ANGPT1: variants seen among roughly 807,000 people sequenced by gnomAD.
ANGPT1 encodes angiopoietin-1.
ANGPT1 carries 17 observed loss-of-function variants against 62.2 expected under a neutral mutation model. The ratio of observed to expected loss-of-function variants is 0.27; its 90% CI spans 0.19 to 0.41. ANGPT1 has a LOEUF of 0.41. Ranked by LOEUF, ANGPT1 falls within the 10% of genes least tolerant of loss-of-function variation. The pLI is 1.00. For missense variants in ANGPT1, 478 were observed against 594.9 expected (o/e 0.80, Z 2.04); for synonymous variants, 199 against 198.9 (o/e 1.00, Z 0.00).
At chr8:107,405,251 G>A (rs1293467067) in intron 1 of ANGPT1, among the ~76,000 whole-genome samples, 1 of 151,740 alleles carries the variant, frequency 6.6e-6, no homozygotes, top group Non-Finnish European at 1.5e-5. Context: ...TATATGTAGA[G>A]CTATATAGGA....
At chr8:107,430,072 C>A (rs1023392184) in intron 1 of ANGPT1, among the ~76,000 whole-genome samples, 2 of 152,016 alleles carry the variant, frequency 1.3e-5, no homozygotes, top group African/African-American at 4.8e-5. Context: ...CTGAAACGTA[C>A]TGAAAGAATG....
intron 1 of ANGPT1, among the ~76,000 whole-genome samples, chr8:107,414,699 C>A (rs1040248138): frequency 2.6e-5 from 4 of 152,112 alleles, no homozygotes; most frequent in Non-Finnish European, 2.9e-5. Context: ...ACCTTTGAGA[C>A]CTAGTATAGC....
At chr8:107,276,298 T>C (rs1266841429) in intron 7 of ANGPT1, among the ~76,000 whole-genome samples, 2 of 152,174 alleles carry the variant, frequency 1.3e-5, no homozygotes, top group African/African-American at 4.8e-5. Flanking sequence ...TGAAAACCTA[T>C]GTTAGGAATT....
intron 1 of ANGPT1, among the ~76,000 whole-genome samples, chr8:107,347,472 T>G (rs887064601): frequency 6.6e-6 from 1 of 152,190 alleles, no homozygotes; most frequent in Admixed American, 6.6e-5. Flanking sequence ...AAACCCAAGG[T>G]TGACCAGCAA....
chr8:107,268,406 T>TTGTGTGTGTG (rs10655133), intron 7 of ANGPT1, among the ~76,000 whole-genome samples: 1,897 of 144,618 alleles, frequency 0.013, 34 homozygotes, highest in African/African-American at 0.045. Context: ...ACATGTAGGG[T>TTGTGTGTGTG]TGTGTGTGTG....
At chr8:107,383,723 C>T (rs1312068495) in intron 1 of ANGPT1, among the ~76,000 whole-genome samples, 2 of 152,050 alleles carry the variant, frequency 1.3e-5, no homozygotes, top group African/African-American at 4.8e-5. Flanking sequence ...GGGGAAACTC[C>T]AGATTTTATA....
intron 6 of ANGPT1, among the ~76,000 whole-genome samples, chr8:107,293,210 T>C (rs1814322490): frequency 8.6e-6 from 1 of 116,020 alleles, no homozygotes; most frequent in Admixed American, 8.8e-5. Flanking sequence ...ATGATGATGA[T>C]GATGATGATG....
At chr8:107,305,630 A>G (rs969431806) in intron 4 of ANGPT1, among the ~76,000 whole-genome samples, 2 of 152,088 alleles carry the variant, frequency 1.3e-5, no homozygotes, top group Non-Finnish European at 2.9e-5. Context: ...TGGTTTGAGA[A>G]TTCTACCATC....
At chr8:107,286,942 A>T (rs1460921330) in intron 6 of ANGPT1, among the ~76,000 whole-genome samples, 3 of 152,206 alleles carry the variant, frequency 2.0e-5, no homozygotes, top group Non-Finnish European at 4.4e-5. Context: ...TAAACAAAAC[A>T]GAAAGTTACA....
At chr8:107,458,385 G>C (rs941132548) in intron 1 of ANGPT1, among the ~76,000 whole-genome samples, 3 of 152,198 alleles carry the variant, frequency 2.0e-5, no homozygotes, top group African/African-American at 7.2e-5. Flanking sequence ...AAAGTTCTTA[G>C]GATTGTCCAT....
At chr8:107,414,086 A>T (rs553184325) in intron 1 of ANGPT1, among the ~76,000 whole-genome samples, 1 of 152,176 alleles carries the variant, frequency 6.6e-6, no homozygotes, top group Admixed American at 6.6e-5. Flanking sequence ...ATCCATGGGT[A>T]TAGGGTTTAT....
intron 1 of ANGPT1, among the ~76,000 whole-genome samples, chr8:107,361,059 A>G (rs529105775): frequency 6.6e-6 from 1 of 152,194 alleles, no homozygotes; most frequent in Non-Finnish European, 1.5e-5. Flanking sequence ...TCACGTGCAT[A>G]TGGATTAGTA....
rs73701035 is a variant in ANGPT1, at chr8:107,289,675, T to C, written c.1038+4261A>G. On this transcript the variant is annotated intron_variant, in intron 6 of 8. Coordinates refer to ENST00000517746, the MANE Select transcript of ANGPT1 (RefSeq NM_001146.5). ...AGATGTTAAAATATAGCTGAAAATG[T>C]GCTCTCAACTTCTTTCCAGAAACAA... is the stretch of plus-strand genomic sequence containing the variant. Among the ~76,000 whole-genome samples the C allele has an allele frequency of 9.4e-3, 1,437 of 152,268 alleles. 22 individuals carry two copies. The highest frequency in any genetic ancestry group is 0.033 in the African/African-American group (1,370 of 41,570).
chr8:107,256,091 A>G (rs1813350654), intron 8 of ANGPT1, among the ~76,000 whole-genome samples: 1 of 152,322 alleles, frequency 6.6e-6, no homozygotes, highest in African/African-American at 2.4e-5. Flanking sequence ...GAAATGTTCA[A>G]TTAACTCTTT....
At chr8:107,370,340 A>AAAAGAAAGAAAGAAAG (rs71308727) in intron 1 of ANGPT1, among the ~76,000 whole-genome samples, 20 of 54,430 alleles carry the variant, frequency 3.7e-4, no homozygotes, top group African/African-American at 7.1e-4. Context: ...GAAAGAAAGA[A>AAAAGAAAGAAAGAAAG]AAAGAAAGAA....
intron 1 of ANGPT1, among the ~76,000 whole-genome samples, chr8:107,455,504 A>C (rs916676032): frequency 1.3e-5 from 2 of 152,030 alleles, no homozygotes; most frequent in African/African-American, 4.8e-5. Context: ...AATGTGGTGA[A>C]TAAGTGGTTT....
chr8:107,369,774 T>C (rs2130235914), intron 1 of ANGPT1, among the ~76,000 whole-genome samples: 1 of 152,132 alleles, frequency 6.6e-6, no homozygotes, highest in Non-Finnish European at 1.5e-5. Flanking sequence ...ACATACCACT[T>C]ATCGATGAAG....
At chr8:107,261,849 T>C (rs1213290507) in intron 8 of ANGPT1, among the ~76,000 whole-genome samples, 1 of 151,878 alleles carries the variant, frequency 6.6e-6, no homozygotes, top group Non-Finnish European at 1.5e-5. Context: ...TGGGCTGTGA[T>C]TTGGTGATAA....
chr8:107,341,993 C>T (rs981841247), intron 2 of ANGPT1, among the ~76,000 whole-genome samples: 7 of 152,106 alleles, frequency 4.6e-5, no homozygotes, highest in African/African-American at 1.7e-4. Flanking sequence ...TCTCCCTGCC[C>T]CTGCCCCCTA....
Sources: allele counts gnomAD v4.1 joint callset (sites outside exome capture counted in the v4.1 genomes callset), GRCh38; gene constraint gnomAD v4.1.1; transcripts MANE v1.5; gene names NCBI Gene and HGNC (gene_info 2026-07-23, HGNC 2026-07-21).